The following DMD variants were observed in gnomAD, a reference collection of about 807,000 sequenced individuals.
DMD encodes dystrophin.
A neutral mutation model predicts 330.1 loss-of-function variants in DMD; 63 were observed. The observed-to-expected ratio is 0.19, with a 90% CI of 0.16 to 0.24. DMD has a LOEUF of 0.24. DMD is among the 10% of genes least tolerant of loss of function. The probability of loss-of-function intolerance (pLI) is 1.00; values close to 1 mark genes in which losing one functional copy is unlikely to be tolerated. For synonymous variants in DMD, 1,223 were observed against 959.8 expected (o/e 1.27, Z -5.07); for missense variants, 3,344 against 2,684.1 (o/e 1.25, Z -5.43).
At chrX:33,146,171 G>A (rs980461714) in intron 1 of DMD, among the ~76,000 whole-genome samples, 1 of 110,665 alleles carries the variant, frequency 9.0e-6, no homozygotes. Flanking sequence ...TGGGATTACA[G>A]GTGTGAGCCA....
chrX:31,928,584 C>T (rs1438523684), intron 47 of DMD, among the ~76,000 whole-genome samples: 2 of 108,283 alleles, frequency 1.8e-5, no homozygotes, highest in African/African-American at 3.4e-5. Flanking sequence ...CCAGCCTGAG[C>T]GACACAGCGA....
chrX:31,401,800 T>G (rs2061203957), intron 60 of DMD, among the ~76,000 whole-genome samples: 2 of 111,228 alleles, frequency 1.8e-5, no homozygotes, highest in Non-Finnish European at 3.8e-5. Context: ...TAAACTGTTT[T>G]TAGCTCCCCT....
upstream of DMD, among the ~76,000 whole-genome samples, chrX:33,212,634 A>C (rs1286855021): frequency 8.9e-6 from 1 of 111,940 alleles, no homozygotes; most frequent in East Asian, 2.8e-4. Context: ...AAATTAAAAA[A>C]ATATTGAGTC....
chrX:31,760,490 C>CTAA (rs1951651125), intron 51 of DMD, among the ~76,000 whole-genome samples: 1 of 111,885 alleles, frequency 8.9e-6, no homozygotes, highest in African/African-American at 3.2e-5. Flanking sequence ...TACACAAATA[C>CTAA]TTGCCATCGT....
intron 44 of DMD, among the ~76,000 whole-genome samples, chrX:32,068,537 T>C (rs1008744816): frequency 1.6e-4 from 18 of 110,760 alleles, no homozygotes; most frequent in Middle Eastern, 9.3e-3. Flanking sequence ...GCTTATTTTT[T>C]TGTTGACTTT....
chrX:31,936,090 G>A (rs533777498), intron 45 of DMD, among the ~76,000 whole-genome samples: 1 of 110,478 alleles, frequency 9.1e-6, no homozygotes, highest in South Asian at 3.8e-4. Context: ...TTAAAAACTT[G>A]ATTTTTTAAG....
intron 2 of DMD, among the ~76,000 whole-genome samples, chrX:32,945,771 T>C (rs1162976730): frequency 2.7e-5 from 3 of 111,856 alleles, no homozygotes; most frequent in Non-Finnish European, 5.7e-5. Context: ...AACTAAAAAG[T>C]ATTGTATATT....
chrX:31,965,261 G>A (rs1603618355), intron 45 of DMD, among the ~76,000 whole-genome samples: 1 of 111,520 alleles, frequency 9.0e-6, no homozygotes, highest in Admixed American at 9.5e-5. Context: ...ATTCTGGGCA[G>A]ATAAACAGAC....
chrX:31,181,501 T>C (rs895793665), intron 68 of DMD, among the ~76,000 whole-genome samples: 7 of 111,485 alleles, frequency 6.3e-5, no homozygotes, highest in African/African-American at 2.3e-4. Flanking sequence ...AAAGGTAGCT[T>C]AGAAATCTAA....
chrX:32,688,305 A>G (rs773746263), intron 9 of DMD, among the ~76,000 whole-genome samples: 1 of 112,302 alleles, frequency 8.9e-6, no homozygotes, highest in East Asian at 2.8e-4. Context: ...TGGTATCAAG[A>G]GACAAAAAAG....
In DMD at chrX:31,120,503, A is replaced by AAATT. The variant is rs1555970104; in HGVS notation, c.*1412_*1415dup. On this transcript the variant is annotated 3_prime_UTR_variant, in exon 79 of 79. Transcript: ENST00000357033. The stretch of plus-strand genomic sequence containing the variant: ...CCTTTTCCCAAAGTTTATTTATTTT[A>AAATT]AATTATGTCTTGTGGCATTTAAAAA... 3.6e-5 allele frequency: 4 copies of AAATT among 112,245 alleles called. No individual in the cohort carries two copies. In the Admixed American group the frequency reaches 3.8e-4, roughly 11 times the overall value. The allele number at this position is 112,245 out of a possible 1,213,427, so 9.3% of individuals were successfully genotyped here. A position where few individuals can be genotyped will look rare whatever the true frequency, so the allele number is the denominator to read the frequency against.
intron 1 of DMD, among the ~76,000 whole-genome samples, chrX:33,066,717 G>A (rs998597839): frequency 3.6e-5 from 4 of 111,069 alleles, no homozygotes; most frequent in African/African-American, 1.3e-4. Context: ...TACGGGCATA[G>A]TGCACATAAA....
At chrX:32,665,008 G>A (rs779218534) in intron 9 of DMD, among the ~76,000 whole-genome samples, 2 of 111,792 alleles carry the variant, frequency 1.8e-5, no homozygotes, top group East Asian at 5.6e-4. Flanking sequence ...AATCAAAGAG[G>A]GGAAAGTAAA....
At chrX:32,695,547 CAT>C (rs2063587578) in intron 9 of DMD, among the ~76,000 whole-genome samples, 1 of 111,132 alleles carries the variant, frequency 9.0e-6, no homozygotes, top group African/African-American at 3.3e-5. Context: ...CTCTGAATAA[CAT>C]TAAAAAATGG....
At chrX:32,370,691 A>C in intron 34 of DMD, among the ~76,000 whole-genome samples, 1 of 111,034 alleles carries the variant, frequency 9.0e-6, no homozygotes, top group Middle Eastern at 4.7e-3. Context: ...TCACTTTAAA[A>C]AAAAAAGATA....
intron 53 of DMD, among the ~76,000 whole-genome samples, chrX:31,667,872 A>AT (rs2081518965): frequency 8.9e-6 from 1 of 111,926 alleles, no homozygotes; most frequent in Non-Finnish European, 1.9e-5. Flanking sequence ...TTGTTTCACC[A>AT]TTTTACATTT....
intron 6 of DMD, among the ~76,000 whole-genome samples, chrX:32,816,247 G>A (rs191147803): frequency 9.7e-4 from 108 of 111,666 alleles, no homozygotes; most frequent in African/African-American, 3.4e-3. Flanking sequence ...TTCACGCTCC[G>A]CTAATGTTAA....
At chrX:31,122,182 A>G (rs1402882439) in intron 78 of DMD, among the ~76,000 whole-genome samples, 1 of 111,955 alleles carries the variant, frequency 8.9e-6, no homozygotes, top group African/African-American at 3.2e-5. Flanking sequence ...TGGTGTTTAC[A>G]TGGAAAAATG....
intron 43 of DMD, among the ~76,000 whole-genome samples, chrX:32,261,605 A>C (rs897634888): frequency 8.9e-5 from 10 of 112,011 alleles, no homozygotes; most frequent in African/African-American, 3.2e-4. Context: ...AAATTTGTGA[A>C]TTCGTTATTT....
Sources: gnomAD v4.1 joint callset for allele counts (sites outside exome capture counted in the v4.1 genomes callset) on GRCh38, gnomAD v4.1.1 for gene constraint, MANE v1.5 for transcripts, NCBI Gene and HGNC (gene_info 2026-07-23, HGNC 2026-07-21) for gene names.